KLHL18: variants seen among roughly 807,000 people sequenced by gnomAD.
The protein encoded by KLHL18 is kelch-like protein 18.
Under a neutral mutation model 58.5 loss-of-function variants are expected in KLHL18, and 38 were observed. That is an observed-to-expected ratio of 0.65 (90% confidence interval 0.50 to 0.85). KLHL18 has a LOEUF of 0.85. Among genes scored for constraint, KLHL18 ranks in the 40% least tolerant of loss-of-function variants. The pLI is 0.00. For synonymous variants in KLHL18, 303 were observed against 301.9 expected, an observed-to-expected ratio of 1.00 and a Z score of -0.04; for missense variants, 624 against 778.4, an observed-to-expected ratio of 0.80 and a Z score of 2.36.
intron 1 of KLHL18, among the ~76,000 whole-genome samples, chr3:47,289,456 C>G (rs1702745069): frequency 6.6e-6 from 1 of 152,190 alleles, no homozygotes; most frequent in Non-Finnish European, 1.5e-5. Context: ...ACATTTGAAT[C>G]TGGAATCTTG....
rs150001189 is a variant in KLHL18 at position 47,330,055 on chromosome 3, A to G, written c.506A>G (p.Glu169Gly). The stretch of plus-strand genomic sequence containing the variant: ...AGCTTCATCCACCAGCACTTTGTGG[A>G]GGTGTCCATGTCAGAAGAGTTCCTG... ...ANSFIHQHFVEVSMSEEFLAL... is the reference protein window; with the variant it reads ...ANSFIHQHFVGVSMSEEFLAL... Residue 169 changes from glutamate to glycine, a missense_variant, in exon 4 of 10, where the codon GAG (glutamate) becomes GGG (glycine). Glu to Gly is a moderately conservative substitution (Grantham distance 98, BLOSUM62 -2). Coordinates refer to ENST00000232766, the MANE Select transcript of KLHL18 (RefSeq NM_025010.5). 15 of 1,613,812 alleles carry G rather than the reference A, an allele frequency of 9.3e-6. No individual in the cohort carries two copies. In the African/African-American group the frequency reaches 1.7e-4, roughly 19 times the overall value.
intron 1 of KLHL18, among the ~76,000 whole-genome samples, chr3:47,311,883 A>G (rs1369640372): frequency 2.0e-5 from 3 of 152,240 alleles, no homozygotes; most frequent in Non-Finnish European, 4.4e-5. Context: ...AGAGGCAAGC[A>G]GGAGTACTGC....
chr3:47,324,294 C>CTTTTTTTTTTTTTTTTTT (rs1559498832), intron 3 of KLHL18, among the ~76,000 whole-genome samples: 5 of 10,600 alleles, frequency 4.7e-4, no homozygotes, highest in African/African-American at 1.0e-3. Context: ...CTTTTTCTTT[C>CTTTTTTTTTTTTTTTTTT]TTTCTTTTTT....
intron 1 of KLHL18, among the ~76,000 whole-genome samples, chr3:47,313,914 CTA>C (rs1312429820): frequency 6.6e-6 from 1 of 152,162 alleles, no homozygotes; most frequent in African/African-American, 2.4e-5. Context: ...CAGTAGCTGC[CTA>C]CTGCAGAGGG....
intron 1 of KLHL18, among the ~76,000 whole-genome samples, chr3:47,284,603 C>A (rs1026012064): frequency 1.3e-5 from 2 of 152,078 alleles, no homozygotes; most frequent in African/African-American, 4.8e-5. Context: ...TCCCAAAGTG[C>A]TAGAATTACA....
At chr3:47,283,137 G>C in intron 1 of KLHL18, 43 bp downstream of exon 1, 2 of 1,532,114 alleles carry the variant, frequency 1.3e-6, no homozygotes, top group Non-Finnish European at 1.8e-6. Flanking sequence ...AAAAGGGGTC[G>C]AGCGGGGAGT....
intron 8 of KLHL18, among the ~76,000 whole-genome samples, chr3:47,340,979 G>C (rs886931079): frequency 1.3e-5 from 2 of 151,904 alleles, no homozygotes; most frequent in African/African-American, 4.8e-5. Context: ...AGAAGTAGAT[G>C]AACAGCATGT....
chr3:47,292,170 G>C (rs1326964035), intron 1 of KLHL18, among the ~76,000 whole-genome samples: 3 of 152,200 alleles, frequency 2.0e-5, no homozygotes, highest in African/African-American at 7.2e-5. Flanking sequence ...TATGTGGGCA[G>C]AGTGTTCTGA....
chr3:47,338,334 T>C (rs1273092947), intron 7 of KLHL18: 2 of 152,208 alleles, frequency 1.3e-5, no homozygotes, highest in Non-Finnish European at 2.9e-5. Context: ...AACACCTGTT[T>C]TGTTATGTAA....
chr3:47,322,857 C>A, intron 3 of KLHL18, 149 bp downstream of exon 3: 1 of 644,620 alleles, frequency 1.6e-6, no homozygotes, highest in Non-Finnish European at 2.3e-6. Flanking sequence ...TTCTTGAAAT[C>A]AGTTTGTAGC....
rs1186567225 is a variant in KLHL18, at chr3:47,339,222, C to T, written c.1122-1350C>T. 2.0e-5 allele frequency among the ~76,000 whole-genome samples: 3 copies of T among 152,038 alleles called. 1 individual carries two copies. The highest frequency in any genetic ancestry group is 4.4e-5 in the Non-Finnish European group (3 of 68,002). ...CTGAAAATAGCAAGTGGGCCATGCA[C>T]AGTGGCTCACACCTGTAATGCCAGC... On this transcript the variant is annotated intron_variant, in intron 7 of 9. Coordinates refer to ENST00000232766, the MANE Select transcript of KLHL18 (RefSeq NM_025010.5).
chr3:47,315,894 T>C (rs1294702400), intron 1 of KLHL18, among the ~76,000 whole-genome samples: 1 of 152,130 alleles, frequency 6.6e-6, no homozygotes, highest in African/African-American at 2.4e-5. Context: ...AAGGAAGCTT[T>C]TGAAAACAAG....
At chr3:47,289,891 A>G (rs913190703) in intron 1 of KLHL18, among the ~76,000 whole-genome samples, 15 of 152,228 alleles carry the variant, frequency 9.9e-5, no homozygotes, top group Non-Finnish European at 2.9e-5. Flanking sequence ...GGGATGAGGG[A>G]TGAGAAATTA....
chr3:47,301,912 C>T (rs974372668), intron 1 of KLHL18, among the ~76,000 whole-genome samples: 1 of 152,160 alleles, frequency 6.6e-6, no homozygotes, highest in African/African-American at 2.4e-5. Flanking sequence ...TCTCTCACCT[C>T]AGCCTCCCGA....
chr3:47,334,614 C>T lies in KLHL18; in HGVS notation c.762-69C>T. 6.4e-7 allele frequency: 1 copy of T among 1,574,546 alleles called. No homozygotes were observed. The highest frequency in any genetic ancestry group is 8.7e-7 in the Non-Finnish European group (1 of 1,149,782). The stretch of plus-strand genomic sequence containing the variant: ...CTGCAGTTGGCAGTGGAGAGCCAGG[C>T]TCAGAGATGCAAACGAGGACTAAGT... On this transcript the variant is annotated intron_variant, in intron 5 of 9. Coordinates refer to ENST00000232766, the MANE Select transcript of KLHL18 (RefSeq NM_025010.5). This position sits in a 1 kb window ranked among gnomAD's most constrained non-coding sequence, Gnocchi z 4.7.
chr3:47,307,199 G>A (rs973930216), intron 1 of KLHL18, among the ~76,000 whole-genome samples: 30 of 152,108 alleles, frequency 2.0e-4, no homozygotes, highest in African/African-American at 7.0e-4. Flanking sequence ...AGCCTCCCAA[G>A]TAGCTGGGAT....
At chr3:47,300,149 C>G (rs1252320382) in intron 1 of KLHL18, among the ~76,000 whole-genome samples, 1 of 151,370 alleles carries the variant, frequency 6.6e-6, no homozygotes, top group African/African-American at 2.4e-5. Context: ...TTCTCTCCCC[C>G]TCTCCACTCT....
At chr3:47,290,980 A>G (rs1023061929) in intron 1 of KLHL18, among the ~76,000 whole-genome samples, 3 of 152,292 alleles carry the variant, frequency 2.0e-5, no homozygotes, top group Middle Eastern at 3.4e-3. Context: ...AGTTGGAGGT[A>G]CAGCCTGGAC....
intron 1 of KLHL18, 66 bp downstream of exon 1, chr3:47,283,160 G>A (rs1049581154): frequency 1.3e-5 from 19 of 1,459,630 alleles, no homozygotes; most frequent in East Asian, 2.5e-5. Flanking sequence ...AAAGGGGCGG[G>A]GGACAGAGAA....
Sources: gnomAD v4.1 joint callset for allele counts (sites outside exome capture counted in the v4.1 genomes callset) on GRCh38, gnomAD v4.1.1 for gene constraint, Gnocchi (gnomAD v3.1) non-coding constraint, MANE v1.5 for transcripts, NCBI Gene and HGNC (gene_info 2026-07-23, HGNC 2026-07-21) for gene names.